Variants in SMC2 observed in about 807,000 individuals in gnomAD.
SMC2 encodes structural maintenance of chromosomes 2.
Under a neutral mutation model 142.6 loss-of-function variants are expected in SMC2, and 41 were observed. The ratio of observed to expected loss-of-function variants is 0.29; its 90% CI spans 0.22 to 0.37. The LOEUF (loss-of-function observed/expected upper bound fraction) is 0.37. Among genes scored for constraint, SMC2 ranks in the 10% least tolerant of loss-of-function variants. The pLI is 1.00. For synonymous variants in SMC2, 463 were observed against 457.5 expected (o/e 1.01, Z -0.15); for missense variants, 1,265 against 1,373.7 (o/e 0.92, Z 1.25).
upstream of SMC2, among the ~76,000 whole-genome samples, chr9:104,091,250 T>C (rs1829978116): frequency 6.6e-6 from 1 of 152,230 alleles, no homozygotes; most frequent in Non-Finnish European, 1.5e-5. Flanking sequence ...AACCTACATA[T>C]TATAGCCTTA....
At chr9:104,089,802 C>A (rs908905547), upstream of SMC2, among the ~76,000 whole-genome samples, 1 of 152,090 alleles carries the variant, frequency 6.6e-6, no homozygotes, top group Non-Finnish European at 1.5e-5. Flanking sequence ...GCATGCATCA[C>A]CACACCCAGC....
chr9:104,140,886 TG>T lies in SMC2; in HGVS notation c.*1572del, dbSNP rs978185773. 5 of 152,248 alleles carry T rather than the reference TG, an allele frequency of 3.3e-5. No individual in the cohort carries two copies. The highest frequency in any genetic ancestry group is 1.2e-4 in the African/African-American group (5 of 41,470). The allele number at this position is 152,248 out of a possible 1,614,324, so 9.4% of individuals were successfully genotyped here. On this transcript the variant is annotated 3_prime_UTR_variant, in exon 25 of 25. Coordinates refer to ENST00000374793, the MANE Select transcript of SMC2 (RefSeq NM_006444.3). ...TAGTTATTAAGTGGTACTTCATTGC[TG>T]TTTTAGCCAACGTTTTAAAAATAAT...
rs756274323 is a variant in SMC2 at position 104,114,810 on chromosome 9, A to G, written c.1652A>G (p.Asn551Ser). 1.3e-5 allele frequency: 21 copies of G among 1,611,702 alleles called. No homozygotes were observed. Among genetic ancestry groups the G allele is most frequent in the African/African-American group, 1.2e-4 (9 of 74,794 alleles). Residue 551 changes from asparagine to serine, a missense_variant, in exon 13 of 25, where the codon AAT becomes AGT. This residue lies in a region of SMC2 where 898 missense variants were observed against 904.2 expected (regional missense o/e 0.99). Coordinates refer to ENST00000374793, the MANE Select transcript of SMC2 (RefSeq NM_006444.3). ...LELVAGERLYNVVVDTEVTGK... is the reference protein window; with the variant it reads ...LELVAGERLYSVVVDTEVTGK... ...TTAGTGGCTGGAGAACGACTCTACAATGTTGTAGTAGACACAGAAGTAAGT... is the reference window on the plus strand; with the variant it reads ...TTAGTGGCTGGAGAACGACTCTACAGTGTTGTAGTAGACACAGAAGTAAGT...
chr9:104,101,353 G>T (rs1831098705), intron 7 of SMC2, among the ~76,000 whole-genome samples: 2 of 152,118 alleles, frequency 1.3e-5, no homozygotes, highest in South Asian at 4.1e-4. Context: ...TGGAAAAATT[G>T]TAATCTTGAA....
At chr9:104,125,213 T>G in intron 18 of SMC2, 108 bp downstream of exon 18, 1 of 784,414 alleles carries the variant, frequency 1.3e-6, no homozygotes, top group Non-Finnish European at 2.0e-6. Flanking sequence ...TCTCAGAATC[T>G]AAAAGGGAGC....
At chr9:104,124,683 T>A (rs533887077) in intron 17 of SMC2, among the ~76,000 whole-genome samples, 1 of 151,496 alleles carries the variant, frequency 6.6e-6, no homozygotes, top group South Asian at 2.1e-4. Context: ...GTAGGTAAAG[T>A]TCAATTTCAT....
chr9:104,094,726 T>C, intron 1 of SMC2: 4 of 263,006 alleles, frequency 1.5e-5, no homozygotes, highest in Non-Finnish European at 2.8e-5. Flanking sequence ...GAATATGAGA[T>C]ACATCTCATC....
Position 104,140,455 on chromosome 9 carries a change from T to C in SMC2, c.*1140T>C, listed in dbSNP as rs1333445564. Reference sequence around the variant, plus strand: ...TAATCTGATCTTCCATGTGTTATTTTGGCCCCACATCTCTTCTTGATTTTT... The same window carrying C: ...TAATCTGATCTTCCATGTGTTATTTCGGCCCCACATCTCTTCTTGATTTTT... On this transcript the variant is annotated 3_prime_UTR_variant, in exon 25 of 25. Coordinates refer to ENST00000374793, the MANE Select transcript of SMC2 (RefSeq NM_006444.3). The C allele has an allele frequency of 1.3e-5, 2 of 152,294 alleles. No individual in the cohort carries two copies. The highest frequency in any genetic ancestry group is 2.9e-5 in the Non-Finnish European group (2 of 68,012). The allele number at this position is 152,294 out of a possible 1,614,324, so 9.4% of individuals were successfully genotyped here.
In SMC2 at chr9:104,113,344, A is replaced by C; in HGVS notation, c.1283A>C (p.Gln428Pro). The change falls in exon 11 of 25, where the codon CAG becomes CCG. Residue 428 changes from glutamine to proline, a missense_variant. Gln to Pro is a moderately conservative substitution (Grantham distance 76). This residue lies in a region of SMC2 where 898 missense variants were observed against 904.2 expected (regional missense o/e 0.99). Transcript: ENST00000374793. ...CAGATGAAGTTGAAGCATGCTCAAC[A>C]GGAATTAAAGAATAAACAAGCTGAA... ...QAQMKLKHAQQELKNKQAEVK... is the reference protein window; with the variant it reads ...QAQMKLKHAQPELKNKQAEVK... The C allele has an allele frequency of 2.5e-6, 4 of 1,609,676 alleles. No individual in the cohort carries two copies. Among genetic ancestry groups the C allele is most frequent in the Non-Finnish European group, 3.4e-6 (4 of 1,178,050 alleles).
At chr9:104,115,686 A>G (rs1167141340) in intron 13 of SMC2, among the ~76,000 whole-genome samples, 1 of 152,172 alleles carries the variant, frequency 6.6e-6, no homozygotes, top group Admixed American at 6.5e-5. Context: ...TTCACCTTCC[A>G]TAGTTACCTT....
At chr9:104,112,466 A>G (rs1832575693) in intron 10 of SMC2, among the ~76,000 whole-genome samples, 1 of 152,194 alleles carries the variant, frequency 6.6e-6, no homozygotes. Flanking sequence ...TTTTGTTTTT[A>G]ATGGAAGACA....
chr9:104,092,264 G>A (rs10512326), upstream of SMC2: 46,499 of 152,046 alleles, frequency 0.31, 8,086 homozygotes, highest in East Asian at 0.77. Context: ...AATGGGAGTA[G>A]TTAGATCTGC....
At chr9:104,124,858 T>C in intron 17 of SMC2, 54 bp from the exon 18 acceptor site, 1 of 1,385,110 alleles carries the variant, frequency 7.2e-7, no homozygotes. Context: ...AAAGTTGAAT[T>C]TGTCAACCTT....
rs1407695169 is a variant in SMC2, at chr9:104,140,012, C to G, written c.*697C>G. Reference sequence around the variant, plus strand: ...ACTTTAATGTTTTTGTTTTTTTAAGCTGTGTAAGTATTTTTAAATCAAAGC... The same window carrying G: ...ACTTTAATGTTTTTGTTTTTTTAAGGTGTGTAAGTATTTTTAAATCAAAGC... On this transcript the variant is annotated 3_prime_UTR_variant, in exon 25 of 25. Transcript: ENST00000374793. 3 of 151,670 alleles carry G rather than the reference C, an allele frequency of 2.0e-5. No homozygotes were observed. Among genetic ancestry groups the G allele is most frequent in the Non-Finnish European group, 4.4e-5 (3 of 67,918 alleles). The allele number at this position is 151,670 out of a possible 1,614,324, so 9.4% of individuals were successfully genotyped here. A position where few individuals can be genotyped will look rare whatever the true frequency, so the allele number is the denominator to read the frequency against.
At chr9:104,091,253 T>C (rs183105295), upstream of SMC2, among the ~76,000 whole-genome samples, 3 of 152,366 alleles carry the variant, frequency 2.0e-5, no homozygotes, top group Admixed American at 2.0e-4. Context: ...CTACATATTA[T>C]AGCCTTATGA....
chr9:104,138,157 C>T lies in SMC2; in HGVS notation c.3409C>T (p.His1137Tyr). 6.3e-7 allele frequency: 1 copy of T among 1,598,280 alleles called. No homozygotes were observed. The highest frequency in any genetic ancestry group is 2.2e-5 in the East Asian group (1 of 44,612). The change falls in exon 24 of 25, where the codon CAT (histidine) becomes TAT (tyrosine). Residue 1137 changes from histidine to tyrosine, a missense_variant. Around this residue, in one of 4 missense-constraint regions of SMC2, gnomAD observed 192 missense variants for 261.9 expected, o/e 0.73. Coordinates refer to ENST00000374793, the MANE Select transcript of SMC2 (RefSeq NM_006444.3). ...IGQMLRTHFT[H>Y]SQFIVVSLKE... ...ACAGATGCTGCGTACTCATTTCACA[C>T]ATTCTCAGGTAAGAACCAGGAAAAA...
chr9:104,128,415 C>T (rs7042749), intron 20 of SMC2, among the ~76,000 whole-genome samples: 8,626 of 152,094 alleles, frequency 0.057, 655 homozygotes, highest in African/African-American at 0.18. Flanking sequence ...CTAGTACTGG[C>T]GATTGCTAGG....
At chr9:104,114,602 G>T in intron 12 of SMC2, 89 bp from the exon 13 acceptor site, 1 of 1,139,916 alleles carries the variant, frequency 8.8e-7, no homozygotes, top group South Asian at 1.7e-5. Context: ...TCACTTTAAT[G>T]TGTTGTCCAA....
At chr9:104,098,348 G>C (rs1830697651) in intron 3 of SMC2, 98 bp from the exon 4 acceptor site, 2 of 1,040,858 alleles carry the variant, frequency 1.9e-6, no homozygotes, top group African/African-American at 1.7e-5. Context: ...TTTACTGCTA[G>C]TCAGACAGAA....
Sources: allele counts gnomAD v4.1 joint callset (sites outside exome capture counted in the v4.1 genomes callset), GRCh38; gene constraint gnomAD v4.1.1; regional missense constraint gnomAD v4.1.1; transcripts MANE v1.5; gene names NCBI Gene and HGNC (gene_info 2026-07-23, HGNC 2026-07-21).